CRADD: variants seen among roughly 807,000 people sequenced by gnomAD.
CRADD encodes the protein death domain-containing protein CRADD.
CRADD carries 9 observed loss-of-function variants against 15.5 expected under a neutral mutation model. That is an observed-to-expected ratio of 0.58 (90% CI 0.35 to 1.01). The LOEUF is 1.01. Among genes scored for constraint, CRADD ranks in the 50% least tolerant of loss-of-function variants. The pLI is 0.02. For synonymous variants in CRADD, 118 were observed against 107.6 expected, an observed-to-expected ratio of 1.10 and a Z score of -0.60; for missense variants, 227 against 250.3, an observed-to-expected ratio of 0.91 and a Z score of 0.63.
intron 2 of CRADD, among the ~76,000 whole-genome samples, chr12:93,732,852 C>T (rs983532026): frequency 6.6e-6 from 1 of 152,154 alleles, no homozygotes; most frequent in African/African-American, 2.4e-5. Flanking sequence ...AGTGGTTGCT[C>T]TTTTTTCATA....
intron 2 of CRADD, chr12:93,837,454 G>C (rs1957987154): frequency 6.6e-6 from 1 of 152,000 alleles, no homozygotes; most frequent in Non-Finnish European, 1.5e-5. Context: ...TTTTAATAGA[G>C]ACAGGTTTTC....
intron 2 of CRADD, among the ~76,000 whole-genome samples, chr12:93,724,145 C>T (rs986380615): frequency 7.9e-5 from 12 of 151,942 alleles, no homozygotes; most frequent in African/African-American, 1.9e-4. Context: ...TTTGGGAGGC[C>T]GAGGTGGGTA....
chr12:93,820,754 T>G (rs1252457154), intron 2 of CRADD, among the ~76,000 whole-genome samples: 1 of 152,150 alleles, frequency 6.6e-6, no homozygotes, highest in Non-Finnish European at 1.5e-5. Context: ...TTTGTGAAAA[T>G]GTAAATTGGA....
intron 2 of CRADD, among the ~76,000 whole-genome samples, chr12:93,733,193 A>C (rs958566479): frequency 6.6e-6 from 1 of 152,210 alleles, no homozygotes; most frequent in Non-Finnish European, 1.5e-5. Flanking sequence ...AAGGCTTTTA[A>C]TATTTTTCCT....
intron 2 of CRADD, among the ~76,000 whole-genome samples, chr12:93,829,500 T>C (rs1426988255): frequency 2.0e-5 from 3 of 152,090 alleles, no homozygotes; most frequent in Non-Finnish European, 4.4e-5. Context: ...AAGCTACAAA[T>C]CTGGAATTTT....
intron 2 of CRADD, among the ~76,000 whole-genome samples, chr12:93,726,593 G>T (rs1409070280): frequency 6.6e-6 from 1 of 152,056 alleles, no homozygotes; most frequent in African/African-American, 2.4e-5. Flanking sequence ...TATCAGGAAA[G>T]GATCTTATTC....
At chr12:93,800,685 A>C (rs968963390) in intron 2 of CRADD, among the ~76,000 whole-genome samples, 1 of 152,138 alleles carries the variant, frequency 6.6e-6, no homozygotes. Context: ...CTGTGAGTCA[A>C]TTAAACCTCT....
Position 93,808,826 on chromosome 12 carries a change from G to A in CRADD, c.299-41144G>A, listed in dbSNP as rs192982322. Among the ~76,000 whole-genome samples the A allele has an allele frequency of 3.6e-4, 55 of 152,200 alleles. 1 individual carries two copies. Among genetic ancestry groups the A allele is most frequent in the Non-Finnish European group, 5.4e-4 (37 of 68,004 alleles). Reference sequence around the variant, plus strand: ...AGACTGACCATGTTCCTAGGAGGTCGGGGAAAGTAGACCACAGTGGCTCAT... The same window carrying A: ...AGACTGACCATGTTCCTAGGAGGTCAGGGAAAGTAGACCACAGTGGCTCAT... On this transcript the variant is annotated intron_variant, in intron 2 of 2. Transcript: ENST00000332896.
At chr12:93,861,113 G>A (rs530572314) in intron 2 of CRADD, among the ~76,000 whole-genome samples, 19 of 152,174 alleles carry the variant, frequency 1.2e-4, no homozygotes, top group East Asian at 1.9e-4. Flanking sequence ...CTAGAGTGCC[G>A]TTGTAAAGAG....
At chr12:93,812,253 G>C (rs1283033223) in intron 2 of CRADD, among the ~76,000 whole-genome samples, 1 of 152,104 alleles carries the variant, frequency 6.6e-6, no homozygotes, top group Non-Finnish European at 1.5e-5. Context: ...GACACATGTC[G>C]TTGTGTATTT....
At chr12:93,841,316 A>G (rs1410669847) in intron 2 of CRADD, among the ~76,000 whole-genome samples, 1 of 152,224 alleles carries the variant, frequency 6.6e-6, no homozygotes, top group Non-Finnish European at 1.5e-5. Context: ...CCTGTTTGGA[A>G]TAAAAACTGT....
intron 2 of CRADD, among the ~76,000 whole-genome samples, chr12:93,710,894 T>G (rs927817180): frequency 6.6e-6 from 1 of 152,066 alleles, no homozygotes; most frequent in Non-Finnish European, 1.5e-5. Flanking sequence ...ATAGGTATTA[T>G]TAGTGAAGTC....
At chr12:93,835,144 C>T (rs1957959918) in intron 2 of CRADD, among the ~76,000 whole-genome samples, 2 of 152,134 alleles carry the variant, frequency 1.3e-5, no homozygotes, top group South Asian at 4.1e-4. Context: ...AGGAGGGCTC[C>T]TGAACGATGA....
At chr12:93,825,083 T>C (rs1357113633) in intron 2 of CRADD, among the ~76,000 whole-genome samples, 1 of 152,168 alleles carries the variant, frequency 6.6e-6, no homozygotes, top group Non-Finnish European at 1.5e-5. Flanking sequence ...GGCTGTAAAA[T>C]GAATTAAGGG....
intron 2 of CRADD, among the ~76,000 whole-genome samples, chr12:93,892,340 A>G (rs778383048): frequency 6.6e-5 from 10 of 152,146 alleles, no homozygotes; most frequent in Non-Finnish European, 1.5e-4. Context: ...ATATTATTTG[A>G]TTATTGCGTT....
chr12:93,829,306 A>G (rs928289382), intron 2 of CRADD, among the ~76,000 whole-genome samples: 2 of 151,984 alleles, frequency 1.3e-5, no homozygotes, highest in Non-Finnish European at 2.9e-5. Flanking sequence ...CAAGCTTTAG[A>G]CTATTATGCT....
intron 2 of CRADD, among the ~76,000 whole-genome samples, chr12:93,703,895 C>T (rs1276321257): frequency 1.3e-5 from 2 of 150,034 alleles, no homozygotes; most frequent in Non-Finnish European, 3.0e-5. Flanking sequence ...GTGTGTAGTT[C>T]TGTGAAATTT....
At chr12:93,718,543 A>G (rs1956202586) in intron 2 of CRADD, among the ~76,000 whole-genome samples, 1 of 152,182 alleles carries the variant, frequency 6.6e-6, no homozygotes, top group Non-Finnish European at 1.5e-5. Flanking sequence ...TATTAGTTCC[A>G]GGAATTTCTT....
Position 93,824,765 on chromosome 12 carries a change from C to T in CRADD, c.299-25205C>T, listed in dbSNP as rs1351709343. Among the ~76,000 whole-genome samples the T allele has an allele frequency of 6.6e-6, 1 of 152,118 alleles. No homozygotes were observed. The highest frequency in any genetic ancestry group is 2.4e-5 in the African/African-American group (1 of 41,422). On this transcript the variant is annotated intron_variant, in intron 2 of 2. Transcript: ENST00000332896. This position sits in a 1 kb window ranked among gnomAD's most constrained non-coding sequence, Gnocchi z 4.3. ...AATGCTGATTGTGGTGTCTGTGTCT[C>T]CTGCCCAGGGGGAATGGCCCTTCTG...
Sources: gnomAD v4.1 joint callset for allele counts (sites outside exome capture counted in the v4.1 genomes callset) on GRCh38, gnomAD v4.1.1 for gene constraint, Gnocchi (gnomAD v3.1) non-coding constraint, MANE v1.5 for transcripts, NCBI Gene and HGNC (gene_info 2026-07-23, HGNC 2026-07-21) for gene names.